Variants in RPTOR observed in about 807,000 individuals in gnomAD.
RPTOR encodes the protein regulatory-associated protein of mTOR.
In RPTOR, 21 loss-of-function variants were observed where a neutral mutation model predicts 169.9. That is an observed-to-expected ratio of 0.12 (90% CI 0.09 to 0.18). RPTOR has a LOEUF of 0.18. Among genes scored for constraint, RPTOR ranks in the 10% least tolerant of loss-of-function variants. The pLI, the probability that RPTOR is intolerant of heterozygous loss-of-function variation, is 1.00. For missense variants in RPTOR, 1,133 were observed against 1,855.9 expected (o/e 0.61, Z 7.16); for synonymous variants, 732 against 753.2 (o/e 0.97, Z 0.46).
intron 33 of RPTOR, among the ~76,000 whole-genome samples, chr17:80,963,362 C>T (rs1178193633): frequency 6.6e-6 from 1 of 152,006 alleles, no homozygotes; most frequent in East Asian, 1.9e-4. Context: ...AGGAGAGTCG[C>T]TCGGGGTGTC....
At chr17:80,632,948 A>C (rs939603054) in intron 2 of RPTOR, among the ~76,000 whole-genome samples, 1 of 151,656 alleles carries the variant, frequency 6.6e-6, no homozygotes, top group African/African-American at 2.4e-5. Flanking sequence ...GGGACTGTAG[A>C]TGTGCATCCC....
intron 6 of RPTOR, among the ~76,000 whole-genome samples, chr17:80,762,908 G>A (rs528261095): frequency 7.2e-5 from 11 of 152,140 alleles, no homozygotes; most frequent in African/African-American, 1.7e-4. Context: ...TGTGAGATAC[G>A]ATGGCTAAAA....
chr17:80,569,960 G>A (rs2064885868), intron 1 of RPTOR, among the ~76,000 whole-genome samples: 1 of 152,046 alleles, frequency 6.6e-6, no homozygotes, highest in Non-Finnish European at 1.5e-5. Flanking sequence ...TGGCCTCCTG[G>A]AGTCTCACCA....
chr17:80,965,403 C>T lies in RPTOR; in HGVS notation c.*1073C>T, dbSNP rs888735514. 4.3e-6 allele frequency: 1 copy of T among 233,392 alleles called. No homozygotes were observed. Among genetic ancestry groups the T allele is most frequent in the East Asian group, 6.0e-5 (1 of 16,594 alleles). The allele number at this position is 233,392 out of a possible 1,614,324, so 14.5% of individuals were successfully genotyped here. ...CCTTGAGCCGCCCATGCTGATGCGA[C>T]CTCGGCTGACAGCTGGGCCTGTGGT... On this transcript the variant is annotated 3_prime_UTR_variant, in exon 34 of 34. Coordinates refer to ENST00000306801, the MANE Select transcript of RPTOR (RefSeq NM_020761.3).
chr17:80,842,014 T>G (rs1403091860), intron 10 of RPTOR, among the ~76,000 whole-genome samples: 1 of 151,156 alleles, frequency 6.6e-6, no homozygotes, highest in Admixed American at 6.6e-5. Context: ...CAGCTCACTC[T>G]CACCACACGG....
chr17:80,913,999 G>A (rs933413061), intron 21 of RPTOR, among the ~76,000 whole-genome samples: 6 of 152,226 alleles, frequency 3.9e-5, no homozygotes, highest in Non-Finnish European at 7.3e-5. Context: ...TAGAAGCACC[G>A]CTGCAGCCTC....
At chr17:80,712,696 G>A (rs760076655) in intron 4 of RPTOR, among the ~76,000 whole-genome samples, 8 of 152,210 alleles carry the variant, frequency 5.3e-5, no homozygotes, top group Non-Finnish European at 5.9e-5. Context: ...GAATGGGTTT[G>A]GTGGATGATT....
intron 9 of RPTOR, among the ~76,000 whole-genome samples, chr17:80,832,766 G>A (rs2067520180): frequency 6.6e-6 from 1 of 152,138 alleles, no homozygotes; most frequent in Non-Finnish European, 1.5e-5. Context: ...ATAGACCAAA[G>A]TGTGTACATC....
At chr17:80,866,860 T>A (rs1351510574) in intron 13 of RPTOR, among the ~76,000 whole-genome samples, 1 of 152,188 alleles carries the variant, frequency 6.6e-6, no homozygotes. Context: ...GATTAAAGCC[T>A]GAGTCACTGT....
At chr17:80,866,419 G>A (rs1406128216) in intron 13 of RPTOR, among the ~76,000 whole-genome samples, 1 of 152,116 alleles carries the variant, frequency 6.6e-6, no homozygotes, top group African/African-American at 2.4e-5. Flanking sequence ...TAAACCCAAA[G>A]CTGTCGGCCA....
intron 1 of RPTOR, among the ~76,000 whole-genome samples, chr17:80,618,539 C>T (rs574176959): frequency 3.9e-5 from 6 of 152,240 alleles, no homozygotes; most frequent in East Asian, 1.9e-4. Context: ...CGAAGGTCGC[C>T]GTGGGCGAGG....
At chr17:80,916,915 G>C (rs2068679963) in intron 21 of RPTOR, among the ~76,000 whole-genome samples, 1 of 152,074 alleles carries the variant, frequency 6.6e-6, no homozygotes. Flanking sequence ...TCGAACCCAG[G>C]AGACGGAGAT....
intron 3 of RPTOR, among the ~76,000 whole-genome samples, chr17:80,650,040 T>C (rs2065627845): frequency 6.6e-6 from 1 of 152,202 alleles, no homozygotes; most frequent in Non-Finnish European, 1.5e-5. Context: ...CTGCTATCCC[T>C]CCGAATACCT....
At position 80,819,140 on chromosome 17, in the gene RPTOR, G is replaced by A. The variant is rs146795157; in HGVS notation, c.891-3061G>A. 7.4e-4 allele frequency among the ~76,000 whole-genome samples: 112 copies of A among 152,272 alleles called. 1 individual carries two copies. Among genetic ancestry groups the A allele is most frequent in the African/African-American group, 2.5e-3 (105 of 41,554 alleles). On this transcript the variant is annotated intron_variant, in intron 7 of 33. Transcript: ENST00000306801. ...CAGCCCTGGCCCCCGCCAGCTGCTC[G>A]AGCTGTGCTGCACCCCTAGGCTCCC...
intron 3 of RPTOR, among the ~76,000 whole-genome samples, chr17:80,644,306 G>GATTTT (rs773738955): frequency 1.1e-5 from 1 of 88,904 alleles, no homozygotes; most frequent in Non-Finnish European, 2.1e-5. Context: ...TTAGTGTGTG[G>GATTTT]GTTTTTTTTT....
chr17:80,605,300 C>T (rs2065220608), intron 1 of RPTOR, among the ~76,000 whole-genome samples: 1 of 152,152 alleles, frequency 6.6e-6, no homozygotes, highest in South Asian at 2.1e-4. Context: ...CATCCTCCTG[C>T]TTTTACTGGG....
chr17:80,572,415 A>T (rs896198883), intron 1 of RPTOR, among the ~76,000 whole-genome samples: 15 of 145,580 alleles, frequency 1.0e-4, no homozygotes, highest in African/African-American at 3.2e-4. Flanking sequence ...TCTTTTTTTT[A>T]AAAAAATGCC....
At chr17:80,652,941 A>C (rs2065652035) in intron 3 of RPTOR, among the ~76,000 whole-genome samples, 1 of 152,166 alleles carries the variant, frequency 6.6e-6, no homozygotes, top group Non-Finnish European at 1.5e-5. Flanking sequence ...TGATAGTCCT[A>C]GTGGGTATGA....
chr17:80,664,493 C>T (rs1016612949), intron 3 of RPTOR, among the ~76,000 whole-genome samples: 1 of 152,074 alleles, frequency 6.6e-6, no homozygotes, highest in Non-Finnish European at 1.5e-5. Flanking sequence ...TCCTTCTCCT[C>T]CTTCCCCTTT....
Sources: gnomAD v4.1 joint callset for allele counts (sites outside exome capture counted in the v4.1 genomes callset) on GRCh38, gnomAD v4.1.1 for gene constraint, MANE v1.5 for transcripts, NCBI Gene and HGNC (gene_info 2026-07-23, HGNC 2026-07-21) for gene names.